The following TVP23C variants were observed in gnomAD, a reference collection of about 807,000 sequenced individuals.
TVP23C encodes the protein Golgi apparatus membrane protein TVP23 homolog C.
In TVP23C, 19 loss-of-function variants were observed where a neutral mutation model predicts 28.7. The observed-to-expected ratio is 0.66, with a 90% CI of 0.46 to 0.97. TVP23C has a LOEUF of 0.97. Ranked by LOEUF, TVP23C falls within the 50% of genes least tolerant of loss-of-function variation. The probability of loss-of-function intolerance (pLI) is 0.00; values close to 1 mark genes in which losing one functional copy is unlikely to be tolerated. For missense variants in TVP23C, 186 were observed against 241.3 expected (o/e 0.77, Z 1.52); for synonymous variants, 68 against 81.7 (o/e 0.83, Z 0.90).
Position 15,559,451 on chromosome 17 carries a change from C to T in TVP23C, c.12+3986G>A, listed in dbSNP as rs8076194. Among the ~76,000 whole-genome samples the T allele has an allele frequency of 2.7e-5, 4 of 148,132 alleles. 1 individual carries two copies. The highest frequency in any genetic ancestry group is 2.0e-4 in the East Asian group (1 of 5,104). On this transcript the variant is annotated intron_variant, in intron 1 of 5. Coordinates refer to ENST00000518321, the MANE Select transcript of TVP23C (RefSeq NM_001135036.2). ...ATTTTGGACATTTTAAGATGCTAAACGACATTTTAAGATGCTAAAACCAAA... is the reference window on the plus strand; with the variant it reads ...ATTTTGGACATTTTAAGATGCTAAATGACATTTTAAGATGCTAAAACCAAA...
At chr17:15,516,026 G>A (rs778501031) in intron 5 of TVP23C, among the ~76,000 whole-genome samples, 7 of 152,094 alleles carry the variant, frequency 4.6e-5, no homozygotes, top group Non-Finnish European at 7.4e-5. Context: ...GGTAAGACGC[G>A]TGCTCCCCCT....
chr17:15,535,805 G>C (rs1215740064), downstream of TVP23C, among the ~76,000 whole-genome samples: 2 of 152,226 alleles, frequency 1.3e-5, no homozygotes, highest in Non-Finnish European at 1.5e-5. Flanking sequence ...AAAGTGCACT[G>C]TATCGACAAG....
At chr17:15,544,317 G>A (rs1011586009) in intron 5 of TVP23C, among the ~76,000 whole-genome samples, 1 of 152,218 alleles carries the variant, frequency 6.6e-6, no homozygotes, top group Non-Finnish European at 1.5e-5. Flanking sequence ...CAATAAGACT[G>A]GTGATAGGCA....
At chr17:15,557,318 T>TCTTG (rs999646276) in intron 1 of TVP23C, among the ~76,000 whole-genome samples, 6 of 124,352 alleles carry the variant, frequency 4.8e-5, no homozygotes, top group African/African-American at 1.8e-4. Flanking sequence ...TGAGACAGAG[T>TCTTG]CTTGCTCTGT....
chr17:15,539,427 GA>G lies in TVP23C; in HGVS notation c.*984del. Reference sequence around the variant, plus strand: ...TCGAGACCATCCTGGCTAACACGGTGAAACCCCGTCTCTACTAAAAATACAA... The same window carrying G: ...TCGAGACCATCCTGGCTAACACGGTGAACCCCGTCTCTACTAAAAATACAA... On this transcript the variant is annotated 3_prime_UTR_variant, in exon 6 of 6. Coordinates refer to ENST00000518321, the MANE Select transcript of TVP23C (RefSeq NM_001135036.2). 4.2e-6 allele frequency: 2 copies of G among 480,476 alleles called. No individual in the cohort carries two copies. Among genetic ancestry groups the G allele is most frequent in the Non-Finnish European group, 5.4e-6 (2 of 368,922 alleles). The allele number at this position is 480,476 out of a possible 1,614,324, so 29.8% of individuals were successfully genotyped here. A position where few individuals can be genotyped will look rare whatever the true frequency, so the allele number is the denominator to read the frequency against.
In TVP23C at chr17:15,538,485, G is replaced by A. The variant is rs1163991467; in HGVS notation, c.*1927C>T. On this transcript the variant is annotated 3_prime_UTR_variant, in exon 6 of 6. Coordinates refer to ENST00000518321, the MANE Select transcript of TVP23C (RefSeq NM_001135036.2). Reference sequence around the variant, plus strand: ...GGCGCCTGCAATCCCAGCTACTCGGGAGGCTGAGGCAGAAGAATAGTATGA... The same window carrying A: ...GGCGCCTGCAATCCCAGCTACTCGGAAGGCTGAGGCAGAAGAATAGTATGA... 2.7e-6 allele frequency: 2 copies of A among 729,106 alleles called. No homozygotes were observed. The highest frequency in any genetic ancestry group is 3.4e-6 in the Non-Finnish European group (2 of 596,282). 45.2% of individuals were successfully genotyped at this position (729,106 alleles called of 1,614,324 possible).
chr17:15,512,656 A>G (rs1461387490), intron 5 of TVP23C, among the ~76,000 whole-genome samples: 4 of 151,836 alleles, frequency 2.6e-5, no homozygotes, highest in Non-Finnish European at 5.9e-5. Context: ...CACGAACATC[A>G]TATATATATA....
chr17:15,555,600 G>A lies in TVP23C; in HGVS notation c.13-236C>T, dbSNP rs530836539. 2.6e-4 allele frequency among the ~76,000 whole-genome samples: 40 copies of A among 152,168 alleles called. 1 individual carries two copies. The highest frequency in any genetic ancestry group is 4.8e-4 in the Non-Finnish European group (33 of 68,050). On this transcript the variant is annotated intron_variant, in intron 1 of 5. Transcript: ENST00000518321. ...GCTCCTCCATCCCTGCCCCTAGGCT[G>A]CACCATCTGAGAAAACTCTGGGGTG...
At position 15,538,024 on chromosome 17, in the gene TVP23C, A is replaced by G. The variant is rs1983229196; in HGVS notation, c.*2388T>C. ...AATAAAGTTTTTAAGTGGAAAAACAAAGCCAACACTCCTCGTTGCAACATG... is the reference window on the plus strand; with the variant it reads ...AATAAAGTTTTTAAGTGGAAAAACAGAGCCAACACTCCTCGTTGCAACATG... On this transcript the variant is annotated 3_prime_UTR_variant, in exon 6 of 6. Transcript: ENST00000518321. The G allele has an allele frequency of 6.5e-7, 1 of 1,529,784 alleles. No individual in the cohort carries two copies. The highest frequency in any genetic ancestry group is 8.8e-7 in the Non-Finnish European group (1 of 1,139,616). 94.8% of individuals were successfully genotyped at this position (1,529,784 alleles called of 1,614,324 possible). A position where few individuals can be genotyped will look rare whatever the true frequency, so the allele number is the denominator to read the frequency against.
intron 1 of TVP23C, among the ~76,000 whole-genome samples, chr17:15,556,560 C>T (rs1277030061): frequency 6.6e-6 from 1 of 152,044 alleles, no homozygotes; most frequent in East Asian, 1.9e-4. Context: ...AGACAGGTTT[C>T]ACCGTGTTAA....
At chr17:15,512,346 A>G (rs1597505426) in intron 5 of TVP23C, among the ~76,000 whole-genome samples, 2 of 152,182 alleles carry the variant, frequency 1.3e-5, no homozygotes, top group Non-Finnish European at 2.9e-5. Flanking sequence ...GTGAGCAAGA[A>G]ATCATGAGAT....
In TVP23C at chr17:15,539,245, T is replaced by A. The variant is rs564674277; in HGVS notation, c.*1167A>T. On this transcript the variant is annotated 3_prime_UTR_variant, in exon 6 of 6. Transcript: ENST00000518321. ...TCTCATGTATGTTCGAGTTTAAGAA[T>A]CCCTGTCCTACATAATATCACTTGC... 13 of 985,046 alleles carry A rather than the reference T, an allele frequency of 1.3e-5. No individual in the cohort carries two copies. In the East Asian group the frequency reaches 1.4e-3, roughly 103 times the overall value. 61.0% of individuals were successfully genotyped at this position (985,046 alleles called of 1,614,324 possible). A position where few individuals can be genotyped will look rare whatever the true frequency, so the allele number is the denominator to read the frequency against.
At chr17:15,540,697 T>A (rs947617618) in intron 5 of TVP23C, 136 bp from the exon 6 acceptor site, 1 of 608,046 alleles carries the variant, frequency 1.6e-6, no homozygotes, top group African/African-American at 1.9e-5. Flanking sequence ...TTGTGCCAGT[T>A]GAGATTTTCC....
chr17:15,511,531 T>A (rs1982003110), intron 5 of TVP23C, among the ~76,000 whole-genome samples: 1 of 152,180 alleles, frequency 6.6e-6, no homozygotes, highest in Non-Finnish European at 1.5e-5. Flanking sequence ...AAAGTACTAG[T>A]AGAGTTTCTG....
intron 1 of TVP23C, among the ~76,000 whole-genome samples, chr17:15,561,983 G>A (rs545321640): frequency 5.9e-5 from 9 of 152,154 alleles, no homozygotes; most frequent in East Asian, 5.8e-4. Flanking sequence ...TCCCAACAGC[G>A]CCATGCCAGT....
intron 1 of TVP23C, among the ~76,000 whole-genome samples, chr17:15,556,616 A>G (rs1984145188): frequency 6.6e-6 from 1 of 151,928 alleles, no homozygotes; most frequent in African/African-American, 2.4e-5. Context: ...CGGCCTCCCA[A>G]TTGCTGGGAT....
At chr17:15,529,988 G>A (rs1982887196) in intron 5 of TVP23C, among the ~76,000 whole-genome samples, 1 of 152,006 alleles carries the variant, frequency 6.6e-6, no homozygotes, top group Non-Finnish European at 1.5e-5. Context: ...TAGCAGAGAT[G>A]GGGTTTCACC....
Position 15,522,494 on chromosome 17 carries a change from G to T in TVP23C, c.463-19262C>A, listed in dbSNP as rs566791934. Reference sequence around the variant, plus strand: ...ATCACAAATCAGTGAGGAAAATCTGGATTATTCAATACAGGGTGCTGATAC... The same window carrying T: ...ATCACAAATCAGTGAGGAAAATCTGTATTATTCAATACAGGGTGCTGATAC... On this transcript the variant is annotated intron_variant, in intron 5 of 5. Transcript: ENST00000225576. 2.4e-3 allele frequency among the ~76,000 whole-genome samples: 362 copies of T among 152,258 alleles called. 1 individual carries two copies. The highest frequency in any genetic ancestry group is 8.0e-3 in the African/African-American group (334 of 41,562).
intron 5 of TVP23C, among the ~76,000 whole-genome samples, chr17:15,545,541 C>A: frequency 6.6e-6 from 1 of 152,288 alleles, no homozygotes; most frequent in African/African-American, 2.4e-5. Context: ...AACAGATTAC[C>A]AACCATTATT....
Sources: gnomAD v4.1 joint callset for allele counts (sites outside exome capture counted in the v4.1 genomes callset) on GRCh38, gnomAD v4.1.1 for gene constraint, MANE v1.5 for transcripts, NCBI Gene and HGNC (gene_info 2026-07-23, HGNC 2026-07-21) for gene names.